The following EML6 variants were observed in gnomAD, a reference collection of about 807,000 sequenced individuals.
EML6 encodes EMAP like 6.
A neutral mutation model predicts 240.1 loss-of-function variants in EML6; 154 were observed. That is an observed-to-expected ratio of 0.64 (90% CI 0.56 to 0.73). The LOEUF is 0.73. Among genes scored for constraint, EML6 ranks in the 30% least tolerant of loss-of-function variants. EML6 has a pLI of 0.00. For missense variants in EML6, 2,964 were observed against 2,474.6 expected (o/e 1.20, Z -4.20); for synonymous variants, 1,148 against 899.0 (o/e 1.28, Z -4.95).
chr2:54,853,938 C>T (rs1670231395), intron 11 of EML6, 83 bp downstream of exon 11: 1 of 764,626 alleles, frequency 1.3e-6, no homozygotes, highest in African/African-American at 1.8e-5. Flanking sequence ...TTCCTGCTGT[C>T]TATTCCAATG....
intron 2 of EML6, among the ~76,000 whole-genome samples, chr2:54,753,864 C>T (rs1312031371): frequency 2.0e-5 from 3 of 151,754 alleles, no homozygotes; most frequent in African/African-American, 4.8e-5. Context: ...TGGCTGGGCG[C>T]GATGGCTCAC....
intron 7 of EML6, among the ~76,000 whole-genome samples, chr2:54,832,439 G>A (rs1226985238): frequency 1.3e-5 from 2 of 152,234 alleles, no homozygotes; most frequent in African/African-American, 4.8e-5. Flanking sequence ...GAGGCTGGCT[G>A]CCTGGGCCAT....
At chr2:54,794,067 A>G (rs889196890) in intron 2 of EML6, among the ~76,000 whole-genome samples, 2 of 152,352 alleles carry the variant, frequency 1.3e-5, no homozygotes, top group East Asian at 1.9e-4. Flanking sequence ...CTGGCAGTGT[A>G]CTAAGTATAT....
At chr2:54,784,591 A>C (rs140700041) in intron 2 of EML6, among the ~76,000 whole-genome samples, 78 of 152,326 alleles carry the variant, frequency 5.1e-4, no homozygotes, top group African/African-American at 1.8e-3. Flanking sequence ...TGACTCCCCA[A>C]AACTTAACTA....
At position 54,832,997 on chromosome 2, in the gene EML6, C is replaced by T. The variant is rs369955093; in HGVS notation, c.847+3520C>T. 1.4e-4 allele frequency among the ~76,000 whole-genome samples: 21 copies of T among 152,296 alleles called. No homozygotes were observed. In the East Asian group the frequency reaches 3.5e-3, roughly 25 times the overall value. On this transcript the variant is annotated intron_variant, in intron 7 of 41. Transcript: ENST00000356458. ...TTGCTATTTGTGAAACAGCGACACT[C>T]GAATTCATTTCAATGGAAATGTAGC... is the stretch of plus-strand genomic sequence containing the variant.
Position 54,866,853 on chromosome 2 carries a change from G to C in EML6, c.2020G>C (p.Glu674Gln). Reference sequence around the variant, plus strand: ...CTTCCTCAAACGAGAAAAGGCTCCTGAGGACAGCTTGAAACTCCAGTTCAT... The same window carrying C: ...CTTCCTCAAACGAGAAAAGGCTCCTCAGGACAGCTTGAAACTCCAGTTCAT... Reference protein sequence around the residue: ...VPFLKREKAPEDSLKLQFIHG... With the variant: ...VPFLKREKAPQDSLKLQFIHG... Residue 674 changes from glutamate to glutamine, a missense_variant, in exon 14 of 42, where the codon GAG becomes CAG. Transcript: ENST00000356458. 1 of 1,551,086 alleles carries C rather than the reference G, an allele frequency of 6.4e-7. No individual in the cohort carries two copies. The highest frequency in any genetic ancestry group is 1.4e-5 in the African/African-American group (1 of 73,146).
At chr2:54,931,159 G>C (rs1032489321) in intron 28 of EML6, among the ~76,000 whole-genome samples, 2 of 151,478 alleles carry the variant, frequency 1.3e-5, no homozygotes, top group African/African-American at 4.9e-5. Flanking sequence ...GGGTTTCACC[G>C]TGTTAGCCAG....
At chr2:54,933,881 C>G (rs374323163) in intron 28 of EML6, among the ~76,000 whole-genome samples, 1 of 152,160 alleles carries the variant, frequency 6.6e-6, no homozygotes, top group Non-Finnish European at 1.5e-5. Context: ...ATTTTCTCAT[C>G]CAGGTCCAGA....
intron 35 of EML6, among the ~76,000 whole-genome samples, chr2:54,961,467 G>T (rs111285934): frequency 1.3e-5 from 2 of 151,592 alleles, no homozygotes; most frequent in East Asian, 3.9e-4. Context: ...GATTACAGGC[G>T]TGAGCCATCA....
intron 7 of EML6, among the ~76,000 whole-genome samples, chr2:54,834,939 C>T (rs1209104604): frequency 6.6e-6 from 1 of 152,232 alleles, no homozygotes; most frequent in African/African-American, 2.4e-5. Flanking sequence ...CACATAATTG[C>T]TTTCCTCAAA....
At chr2:54,890,157 C>A (rs1201192882) in intron 17 of EML6, among the ~76,000 whole-genome samples, 1 of 152,066 alleles carries the variant, frequency 6.6e-6, no homozygotes, top group Non-Finnish European at 1.5e-5. Context: ...TATGATTTTT[C>A]TCTTTACATC....
At chr2:54,771,667 C>T (rs1389777024) in intron 2 of EML6, among the ~76,000 whole-genome samples, 1 of 152,254 alleles carries the variant, frequency 6.6e-6, no homozygotes, top group Non-Finnish European at 1.5e-5. Context: ...TGTGTGAACA[C>T]ACGCAGACAC....
At chr2:54,851,429 A>C (rs1670085265) in intron 10 of EML6, among the ~76,000 whole-genome samples, 1 of 152,112 alleles carries the variant, frequency 6.6e-6, no homozygotes, top group Non-Finnish European at 1.5e-5. Context: ...AATAAATAAT[A>C]AATAAATTTA....
chr2:54,964,826 G>A, intron 38 of EML6, 93 bp downstream of exon 38: 2 of 1,206,274 alleles, frequency 1.7e-6, no homozygotes, highest in South Asian at 3.0e-5. Context: ...TGTGTACCAG[G>A]CAATGTGCTA....
chr2:54,871,478 A>T (rs1000615969), intron 15 of EML6, 22 bp from the exon 16 acceptor site: 1 of 1,518,776 alleles, frequency 6.6e-7, no homozygotes, highest in Non-Finnish European at 9.0e-7. Context: ...AGTAGTTAAT[A>T]ACAGTCATTC....
At position 54,892,590 on chromosome 2, in the gene EML6, C is replaced by G. The variant is rs768192066; in HGVS notation, c.2676C>G (p.Asp892Glu). 10 of 1,551,574 alleles carry G rather than the reference C, an allele frequency of 6.4e-6. No individual in the cohort carries two copies. Among genetic ancestry groups the G allele is most frequent in the Non-Finnish European group, 7.8e-6 (9 of 1,146,854 alleles). ...AATGDIFIWK[D>E]ILLLKTVKAH... ...CTGGAGATATTTTTATTTGGAAAGA[C>G]ATTCTACTACTGAAGACAGTGAAAG... Residue 892 changes from aspartate to glutamate, a missense_variant, in exon 19 of 42, where the codon GAC becomes GAG. By Grantham distance (45) the Asp-to-Glu change is conservative. Transcript: ENST00000356458.
At chr2:54,760,194 T>C (rs1667916690) in intron 2 of EML6, among the ~76,000 whole-genome samples, 1 of 151,828 alleles carries the variant, frequency 6.6e-6, no homozygotes, top group African/African-American at 2.4e-5. Flanking sequence ...AAGTAATACA[T>C]GAATAAGTTT....
At chr2:54,928,603 C>T (rs1249719385) in intron 27 of EML6, 22 bp from the exon 28 acceptor site, 2 of 1,552,050 alleles carry the variant, frequency 1.3e-6, no homozygotes, top group South Asian at 2.4e-5. Context: ...ACTGGCTCCC[C>T]AATCTCTTTC....
chr2:54,937,533 A>G (rs1440265423), intron 28 of EML6, among the ~76,000 whole-genome samples: 2 of 131,450 alleles, frequency 1.5e-5, no homozygotes, highest in Non-Finnish European at 3.1e-5. Context: ...AGCCTGGGCC[A>G]TAGAGCAAGA....
Sources: gnomAD v4.1 joint callset for allele counts (sites outside exome capture counted in the v4.1 genomes callset) on GRCh38, gnomAD v4.1.1 for gene constraint, MANE v1.5 for transcripts, NCBI Gene and HGNC (gene_info 2026-07-23, HGNC 2026-07-21) for gene names.